The following NUP188 variants were observed in gnomAD, a reference collection of about 807,000 sequenced individuals.
NUP188 encodes the protein nucleoporin NUP188.
Under a neutral mutation model 223.0 loss-of-function variants are expected in NUP188, and 97 were observed. That is an observed-to-expected ratio of 0.43 (90% confidence interval 0.37 to 0.51). NUP188 has a LOEUF of 0.51. Among genes scored for constraint, NUP188 ranks in the 20% least tolerant of loss-of-function variants. The probability of loss-of-function intolerance (pLI) is 0.00; values close to 1 mark genes in which losing one functional copy is unlikely to be tolerated. For synonymous variants in NUP188, 869 were observed against 828.0 expected (o/e 1.05, Z -0.85); for missense variants, 1,947 against 2,175.6 (o/e 0.89, Z 2.09).
chr9:129,000,015 C>T (rs1842612676), intron 34 of NUP188, among the ~76,000 whole-genome samples: 1 of 152,234 alleles, frequency 6.6e-6, no homozygotes, highest in Non-Finnish European at 1.5e-5. Flanking sequence ...CTTAGTCTCA[C>T]TTCTGACTTG....
intron 8 of NUP188, among the ~76,000 whole-genome samples, chr9:128,963,349 G>A (rs1173087849): frequency 2.0e-5 from 3 of 148,752 alleles, no homozygotes; most frequent in Admixed American, 6.8e-5. Context: ...TCAGTGGCGC[G>A]ATTTCGACTC....
intron 13 of NUP188, among the ~76,000 whole-genome samples, chr9:128,980,055 C>G (rs949357440): frequency 6.6e-6 from 1 of 152,202 alleles, no homozygotes; most frequent in African/African-American, 2.4e-5. Context: ...GGTATTGTAA[C>G]TAGTTAGAGT....
Position 129,001,884 on chromosome 9 carries a change from G to A in NUP188, c.4045G>A (p.Gly1349Arg), listed in dbSNP as rs1226522561. The change falls in exon 36 of 44, where the codon GGA becomes AGA. Residue 1349 changes from glycine to arginine, a missense_variant and splice_region_variant. Gly to Arg is a moderately radical substitution (Grantham distance 125). Coordinates refer to ENST00000372577, the MANE Select transcript of NUP188 (RefSeq NM_015354.3). ...LLLTLARTQQGATAVAGAGIT... is the reference protein window; with the variant it reads ...LLLTLARTQQRATAVAGAGIT... The stretch of plus-strand genomic sequence containing the variant: ...ATTTCCTGTCTTTCCCTCCTCCCAG[G>A]GAGCCACAGCAGTGGCTGGAGCTGG... 1 of 1,613,430 alleles carries A rather than the reference G, an allele frequency of 6.2e-7. No individual in the cohort carries two copies. Among genetic ancestry groups the A allele is most frequent in the South Asian group, 1.1e-5 (1 of 91,076 alleles).
intron 8 of NUP188, among the ~76,000 whole-genome samples, chr9:128,968,230 G>A (rs565472758): frequency 6.6e-6 from 1 of 152,160 alleles, no homozygotes; most frequent in East Asian, 1.9e-4. Context: ...GGGTGATAGA[G>A]TCAGACCCTG....
intron 23 of NUP188, 120 bp from the exon 24 acceptor site, chr9:128,987,927 G>T: frequency 7.9e-7 from 1 of 1,269,842 alleles, no homozygotes; most frequent in Non-Finnish European, 1.1e-6. Context: ...TTGGACTGGG[G>T]CCTCTAACAG....
In NUP188 at chr9:128,988,037, G is replaced by C. The variant is rs746037199; in HGVS notation, c.2394-10G>C. 29 of 1,613,560 alleles carry C rather than the reference G, an allele frequency of 1.8e-5. No homozygotes were observed. Among genetic ancestry groups the C allele is most frequent in the Non-Finnish European group, 2.5e-5 (29 of 1,179,704 alleles). ...TCTGAATCATCTTTGGTTTCCATTT[G>C]GCACCCTAGTGATGGGGCAGAGGGC... On this transcript the variant is annotated splice_polypyrimidine_tract_variant and intron_variant, in intron 23 of 43. Coordinates refer to ENST00000372577, the MANE Select transcript of NUP188 (RefSeq NM_015354.3).
chr9:128,980,031 CTA>C (rs1842234077), intron 13 of NUP188, among the ~76,000 whole-genome samples: 1 of 152,094 alleles, frequency 6.6e-6, no homozygotes, highest in African/African-American at 2.4e-5. Context: ...TAACCGTAGC[CTA>C]TGAGTTGTCA....
At position 128,994,960 on chromosome 9, in the gene NUP188, T is replaced by C. The variant is rs544844448; in HGVS notation, c.3155+37T>C. The stretch of plus-strand genomic sequence containing the variant: ...CCCCTCTTGAGATTTTAACTGAAGG[T>C]TGGGGGAGTGGGAGTTGGTGGCCTA... On this transcript the variant is annotated intron_variant, in intron 29 of 43. Transcript: ENST00000372577. The C allele has an allele frequency of 2.1e-5, 31 of 1,503,082 alleles. 1 individual carries two copies. In the South Asian group the frequency reaches 2.3e-4, roughly 11 times the overall value. The allele number at this position is 1,503,082 out of a possible 1,614,324, so 93.1% of individuals were successfully genotyped here.
At chr9:128,958,634 C>G (rs1841902774) in intron 6 of NUP188, among the ~76,000 whole-genome samples, 168 bp from the exon 7 acceptor site, 1 of 152,086 alleles carries the variant, frequency 6.6e-6, no homozygotes, top group Admixed American at 6.6e-5. Context: ...TTATGAATGT[C>G]TTTTCCTTTA....
chr9:128,979,281 G>T lies in NUP188; in HGVS notation c.1223G>T (p.Cys408Phe). 5 of 1,612,232 alleles carry T rather than the reference G, an allele frequency of 3.1e-6. No homozygotes were observed. Among genetic ancestry groups the T allele is most frequent in the Non-Finnish European group, 4.2e-6 (5 of 1,178,676 alleles). The change falls in exon 13 of 44, where the codon TGT becomes TTT. Residue 408 changes from cysteine (C) to phenylalanine (F), a missense_variant. Physicochemically the swap from Cys to Phe is radical, Grantham distance 205 (BLOSUM62 -2). Around this residue, in one of 3 missense-constraint regions of NUP188, gnomAD observed 817 missense variants for 865.8 expected, o/e 0.94. Transcript: ENST00000372577. ...AAACAGGATATAATTGATACAGCATGTGAAGTATTGGCCGACCCTTCTCTT... is the reference window on the plus strand; with the variant it reads ...AAACAGGATATAATTGATACAGCATTTGAAGTATTGGCCGACCCTTCTCTT... The part of the protein sequence containing the change: ...GNQQDIIDTA[C>F]EVLADPSLPE...
At chr9:128,994,950 T>A in intron 29 of NUP188, 27 bp downstream of exon 29, 1 of 1,546,080 alleles carries the variant, frequency 6.5e-7, no homozygotes, top group African/African-American at 1.4e-5. Context: ...CTTGAGATTT[T>A]AACTGAAGGT....
intron 8 of NUP188, among the ~76,000 whole-genome samples, chr9:128,961,622 A>ATAGATAGATT (rs774001270): frequency 3.7e-5 from 5 of 133,954 alleles, no homozygotes; most frequent in African/African-American, 1.4e-4. Context: ...AGATAGATAG[A>ATAGATAGATT]TTTTTTTTTT....
chr9:128,948,028 C>T, intron 1 of NUP188: 1 of 348,312 alleles, frequency 2.9e-6, no homozygotes, highest in Non-Finnish European at 5.1e-6. Context: ...CCTCCTCTCT[C>T]ACCTCCGACG....
At chr9:128,950,850 A>G (rs1219022125) in intron 2 of NUP188, among the ~76,000 whole-genome samples, 1 of 152,148 alleles carries the variant, frequency 6.6e-6, no homozygotes, top group Non-Finnish European at 1.5e-5. Flanking sequence ...CTTTATAAAC[A>G]TTACGCATTC....
At chr9:128,978,436 G>A (rs1169052168) in intron 12 of NUP188, among the ~76,000 whole-genome samples, 9 of 150,630 alleles carry the variant, frequency 6.0e-5, no homozygotes, top group Non-Finnish European at 8.9e-5. Context: ...GGTGGCAGGC[G>A]CCTGTAGTCC....
intron 32 of NUP188, among the ~76,000 whole-genome samples, 159 bp downstream of exon 32, chr9:128,998,782 G>A (rs1013579529): frequency 2.3e-4 from 35 of 152,078 alleles, no homozygotes; most frequent in Non-Finnish European, 2.4e-4. Flanking sequence ...GCAGACTGGT[G>A]GATATCCTGA....
At position 128,947,703 on chromosome 9, in the gene NUP188, C is replaced by G; in HGVS notation, c.-17C>G. On this transcript the variant is annotated 5_prime_UTR_variant, in exon 1 of 44. Coordinates refer to ENST00000372577, the MANE Select transcript of NUP188 (RefSeq NM_015354.3). ...ATGGCGTCTGGGGGCGGGGTTAGGG[C>G]GAGCGGGCGCGCGAAGATGGCGGCG... 1.4e-6 allele frequency: 2 copies of G among 1,464,304 alleles called. No individual in the cohort carries two copies. Among genetic ancestry groups the G allele is most frequent in the Non-Finnish European group, 1.8e-6 (2 of 1,111,034 alleles). 90.7% of individuals were successfully genotyped at this position (1,464,304 alleles called of 1,614,324 possible).
chr9:128,974,072 G>A (rs889380567), intron 12 of NUP188, among the ~76,000 whole-genome samples: 9 of 152,070 alleles, frequency 5.9e-5, no homozygotes, highest in South Asian at 2.1e-4. Flanking sequence ...CACCGCGCCC[G>A]GCTAATTTTT....
intron 20 of NUP188, 111 bp downstream of exon 20, chr9:128,985,125 G>A: frequency 1.4e-6 from 1 of 721,758 alleles, no homozygotes. Context: ...TTGTCTGTAG[G>A]CAGAATAGTC....
Sources: gnomAD v4.1 joint callset for allele counts (sites outside exome capture counted in the v4.1 genomes callset) on GRCh38, gnomAD v4.1.1 for gene constraint, gnomAD v4.1.1 regional missense constraint, MANE v1.5 for transcripts, NCBI Gene and HGNC (gene_info 2026-07-23, HGNC 2026-07-21) for gene names.